Variants in GTF2E2 observed in about 807,000 individuals in gnomAD.
GTF2E2 encodes the protein general transcription factor IIE subunit 2, also known as transcription initiation factor IIE subunit beta.
A neutral mutation model predicts 40.5 loss-of-function variants in GTF2E2; 21 were observed. The observed-to-expected ratio is 0.52, with a 90% CI of 0.37 to 0.75. The LOEUF (loss-of-function observed/expected upper bound fraction) is 0.75, where lower values mean the gene tolerates loss of function less well. Among genes scored for constraint, GTF2E2 ranks in the 30% least tolerant of loss-of-function variants. GTF2E2 has a pLI of 0.00. For missense variants in GTF2E2, 298 were observed against 338.4 expected (o/e 0.88, Z 0.94); for synonymous variants, 117 against 121.6 (o/e 0.96, Z 0.25).
At chr8:30,621,034 A>G (rs1278359114) in intron 3 of GTF2E2, among the ~76,000 whole-genome samples, 1 of 152,054 alleles carries the variant, frequency 6.6e-6, no homozygotes, top group African/African-American at 2.4e-5. Flanking sequence ...TAGAAGGAAT[A>G]ATGGAGGTTA....
At chr8:30,619,806 C>T (rs1360889234) in intron 3 of GTF2E2, among the ~76,000 whole-genome samples, 1 of 152,064 alleles carries the variant, frequency 6.6e-6, no homozygotes, top group Non-Finnish European at 1.5e-5. Flanking sequence ...CATACCCTCC[C>T]TCCAAAAACA....
At chr8:30,590,951 A>G (rs1263260129) in intron 6 of GTF2E2, among the ~76,000 whole-genome samples, 3 of 152,164 alleles carry the variant, frequency 2.0e-5, no homozygotes, top group Admixed American at 1.3e-4. Context: ...TCGGCCTCTC[A>G]AAGTGCTGGG....
chr8:30,591,215 G>C (rs1828839576), intron 6 of GTF2E2, among the ~76,000 whole-genome samples: 1 of 152,216 alleles, frequency 6.6e-6, no homozygotes, highest in Admixed American at 6.5e-5. Context: ...ACCGGATGTG[G>C]TGGTTCACAC....
intron 3 of GTF2E2, among the ~76,000 whole-genome samples, chr8:30,628,391 A>T (rs1434464472): frequency 6.6e-6 from 1 of 152,236 alleles, no homozygotes; most frequent in African/African-American, 2.4e-5. Context: ...ATAAATGCAA[A>T]GACAAAAATA....
At chr8:30,651,014 A>AAT (rs59514406) in intron 2 of GTF2E2, among the ~76,000 whole-genome samples, 8,681 of 30,662 alleles carry the variant, frequency 0.28, 367 homozygotes, top group South Asian at 0.41. Flanking sequence ...ACTCCGTCTC[A>AAT]AAAAAAAAAA....
intron 3 of GTF2E2, among the ~76,000 whole-genome samples, chr8:30,626,071 T>C (rs1229185654): frequency 2.6e-5 from 4 of 152,132 alleles, no homozygotes; most frequent in African/African-American, 9.7e-5. Flanking sequence ...CCAAACAAAC[T>C]CTACTGGTAT....
chr8:30,655,462 A>T (rs1802422414), intron 1 of GTF2E2, among the ~76,000 whole-genome samples: 1 of 152,162 alleles, frequency 6.6e-6, no homozygotes, highest in African/African-American at 2.4e-5. Context: ...GTCAGCTGGG[A>T]GGAAAAAGAC....
intron 3 of GTF2E2, among the ~76,000 whole-genome samples, chr8:30,623,230 C>A (rs377554096): frequency 2.6e-5 from 4 of 152,162 alleles, no homozygotes; most frequent in African/African-American, 9.6e-5. Context: ...ATTTGGGGTC[C>A]CTGACTTCCC....
chr8:30,584,210 T>TC (rs397934037), intron 6 of GTF2E2, among the ~76,000 whole-genome samples: 6 of 150,082 alleles, frequency 4.0e-5, no homozygotes, highest in Admixed American at 1.3e-4. Flanking sequence ...TTTTTTTTTT[T>TC]CCTCCAGTTT....
intron 3 of GTF2E2, among the ~76,000 whole-genome samples, chr8:30,621,494 GAA>G: frequency 6.6e-6 from 1 of 152,074 alleles, no homozygotes; most frequent in Admixed American, 6.5e-5. Flanking sequence ...AAAGAAAAAT[GAA>G]AGAGTGCTTA....
chr8:30,648,267 T>TA (rs1423616954), intron 2 of GTF2E2, among the ~76,000 whole-genome samples: 1 of 151,826 alleles, frequency 6.6e-6, no homozygotes, highest in Non-Finnish European at 1.5e-5. Flanking sequence ...AAGAGATAAT[T>TA]AGAGGCCAGA....
rs192769008 is a variant in GTF2E2 at position 30,598,950 on chromosome 8, G to A, written c.643+8107C>T. Among the ~76,000 whole-genome samples, 19 of 152,230 alleles carry A rather than the reference G, an allele frequency of 1.2e-4. 1 individual carries two copies. Among genetic ancestry groups the A allele is most frequent in the Admixed American group, 7.2e-4 (11 of 15,300 alleles). On this transcript the variant is annotated intron_variant, in intron 6 of 7. Transcript: ENST00000355904. Reference sequence around the variant, plus strand: ...AAGGCAGGAGGATCGTTTGGCCCAGGAGTTCAAGACCAGTCTGGGCAACAA... The same window carrying A: ...AAGGCAGGAGGATCGTTTGGCCCAGAAGTTCAAGACCAGTCTGGGCAACAA...
At chr8:30,598,473 CT>C (rs1295324304) in intron 6 of GTF2E2, among the ~76,000 whole-genome samples, 3 of 152,154 alleles carry the variant, frequency 2.0e-5, no homozygotes, top group Non-Finnish European at 2.9e-5. Flanking sequence ...TAACTAGTTC[CT>C]TTTGTTTAAA....
intron 6 of GTF2E2, among the ~76,000 whole-genome samples, chr8:30,588,537 A>C (rs1427306292): frequency 6.6e-6 from 1 of 152,200 alleles, no homozygotes; most frequent in African/African-American, 2.4e-5. Context: ...ACAGAAGCAG[A>C]GAGTAGAATG....
At chr8:30,651,199 A>G (rs1200209437) in intron 2 of GTF2E2, among the ~76,000 whole-genome samples, 2 of 152,172 alleles carry the variant, frequency 1.3e-5, no homozygotes, top group Non-Finnish European at 1.5e-5. Context: ...CAGTCCAGAC[A>G]GGCAAGATAA....
intron 6 of GTF2E2, among the ~76,000 whole-genome samples, chr8:30,601,666 G>A (rs924047334): frequency 3.3e-5 from 5 of 152,174 alleles, no homozygotes; most frequent in Admixed American, 6.5e-5. Flanking sequence ...ATAACAATAA[G>A]CTGAGCCTAC....
intron 3 of GTF2E2, among the ~76,000 whole-genome samples, chr8:30,617,981 G>C (rs1800973181): frequency 6.6e-6 from 1 of 152,112 alleles, no homozygotes; most frequent in Non-Finnish European, 1.5e-5. Context: ...TATTAAAATT[G>C]TCTTTAATTT....
chr8:30,647,868 C>T (rs867300459), intron 2 of GTF2E2, among the ~76,000 whole-genome samples: 1 of 152,186 alleles, frequency 6.6e-6, no homozygotes, highest in Admixed American at 6.5e-5. Flanking sequence ...CCACCCTATC[C>T]TGTAATTATT....
intron 6 of GTF2E2, among the ~76,000 whole-genome samples, chr8:30,581,042 A>G (rs1441520877): frequency 6.6e-6 from 1 of 152,198 alleles, no homozygotes; most frequent in East Asian, 1.9e-4. Context: ...CAACCAAGAG[A>G]GACCACAATT....
Sources: allele counts gnomAD v4.1 joint callset (sites outside exome capture counted in the v4.1 genomes callset), GRCh38; gene constraint gnomAD v4.1.1; transcripts MANE v1.5; gene names NCBI Gene and HGNC (gene_info 2026-07-23, HGNC 2026-07-21).